ATXN8OS: variants seen among roughly 807,000 people sequenced by gnomAD.
ATXN8OS encodes ATXN8 opposite strand (non-protein coding).
At chr13:70,156,500 A>G (rs1009089245) in intron 4 of ATXN8OS, among the ~76,000 whole-genome samples, 1 of 152,178 alleles carries the variant, frequency 6.6e-6, no homozygotes, top group African/African-American at 2.4e-5. Flanking sequence ...TAATTTCTAC[A>G]TATAAAGAAA....
intron 1 of ATXN8OS, chr13:70,108,306 G>A: frequency 2.9e-6 from 1 of 344,286 alleles, no homozygotes; most frequent in East Asian, 4.5e-5. Flanking sequence ...CTGCCGGGTG[G>A]CTCTGAGAAA....
At chr13:70,160,948 G>A (rs192767414) in intron 4 of ATXN8OS, among the ~76,000 whole-genome samples, 9 of 150,484 alleles carry the variant, frequency 6.0e-5, no homozygotes, top group African/African-American at 1.2e-4. Flanking sequence ...CAGGTGGACC[G>A]ACACAATTTA....
At chr13:70,155,501 C>T (rs1002837679) in intron 4 of ATXN8OS, among the ~76,000 whole-genome samples, 1 of 152,142 alleles carries the variant, frequency 6.6e-6, no homozygotes, top group African/African-American at 2.4e-5. Context: ...ATTCCAGTGT[C>T]TCTCGAACTT....
chr13:70,157,648 G>A (rs929401864), intron 4 of ATXN8OS, among the ~76,000 whole-genome samples: 2 of 151,746 alleles, frequency 1.3e-5, no homozygotes, highest in South Asian at 2.1e-4. Flanking sequence ...CTTATTGAAC[G>A]CAGCTTAACA....
intron 1 of ATXN8OS, among the ~76,000 whole-genome samples, chr13:70,113,094 G>T (rs9564650): frequency 0.1 from 15,082 of 150,970 alleles, 825 homozygotes; most frequent in Middle Eastern, 0.19. Context: ...GCTAATTTTC[G>T]TATTTTTAGT....
intron 4 of ATXN8OS, among the ~76,000 whole-genome samples, chr13:70,161,465 A>G (rs1053638704): frequency 6.6e-6 from 1 of 150,806 alleles, no homozygotes; most frequent in Non-Finnish European, 1.5e-5. Context: ...GGCAATCTAT[A>G]TGATCCACAG....
At chr13:70,169,146 C>T (rs1459919213) in intron 4 of ATXN8OS, among the ~76,000 whole-genome samples, 1 of 151,946 alleles carries the variant, frequency 6.6e-6, no homozygotes, top group Admixed American at 6.6e-5. Context: ...CAGTAAATGG[C>T]TTGTTACATA....
At chr13:70,118,506 G>T (rs1888313019) in intron 2 of ATXN8OS, among the ~76,000 whole-genome samples, 1 of 151,742 alleles carries the variant, frequency 6.6e-6, no homozygotes, top group South Asian at 2.1e-4. Flanking sequence ...TCACATTTCT[G>T]GTTTTGAGTA....
At chr13:70,161,757 T>A (rs2479948) in intron 4 of ATXN8OS, among the ~76,000 whole-genome samples, 123,137 of 151,288 alleles carry the variant, frequency 0.81, 51,862 homozygotes, top group Non-Finnish European at 0.93. Flanking sequence ...TAAGTATTTG[T>A]TGAGTGAAAA....
chr13:70,161,932 G>C (rs2479949), intron 4 of ATXN8OS, among the ~76,000 whole-genome samples: 123,373 of 151,900 alleles, frequency 0.81, 51,899 homozygotes, highest in Non-Finnish European at 0.93. Context: ...TGGAAGACAA[G>C]GTAATACAGA....
At chr13:70,156,534 A>AT (rs1271639936) in intron 4 of ATXN8OS, among the ~76,000 whole-genome samples, 1 of 152,128 alleles carries the variant, frequency 6.6e-6, no homozygotes, top group East Asian at 1.9e-4. Flanking sequence ...GTATTTATAT[A>AT]TTTTCTGAGA....
chr13:70,160,565 C>T (rs988281011), intron 4 of ATXN8OS, among the ~76,000 whole-genome samples: 2 of 150,778 alleles, frequency 1.3e-5, no homozygotes, highest in African/African-American at 4.9e-5. Context: ...GTCATATTTT[C>T]AATATGGAAA....
intron 2 of ATXN8OS, among the ~76,000 whole-genome samples, chr13:70,128,149 C>T (rs183779536): frequency 3.8e-4 from 58 of 152,112 alleles, no homozygotes; most frequent in East Asian, 1.5e-3. Flanking sequence ...TTGTTTATTT[C>T]GCCTTACAAG....
intron 1 of ATXN8OS, among the ~76,000 whole-genome samples, chr13:70,110,349 A>C (rs934533020): frequency 6.6e-6 from 1 of 152,162 alleles, no homozygotes; most frequent in African/African-American, 2.4e-5. Context: ...TATTTAAATA[A>C]AATTCAACTT....
intron 4 of ATXN8OS, among the ~76,000 whole-genome samples, chr13:70,148,812 T>C (rs1309225958): frequency 6.6e-6 from 1 of 152,108 alleles, no homozygotes; most frequent in African/African-American, 2.4e-5. Flanking sequence ...ATATGTGATC[T>C]TTAAGGGCCA....
At chr13:70,139,374 ACTACTACTACTGCTGCTGCTGCTG>A (rs1888665733) in intron 3 of ATXN8OS, 3 of 648,810 alleles carry the variant, frequency 4.6e-6, no homozygotes, top group East Asian at 3.0e-5. Flanking sequence ...TACTACTACT[ACTACTACTACTGCTGCTGCTGCTG>A]CTGCTGCTGC....
chr13:70,129,223 C>A (rs1404928377), intron 2 of ATXN8OS, among the ~76,000 whole-genome samples: 4 of 152,022 alleles, frequency 2.6e-5, no homozygotes, highest in Non-Finnish European at 5.9e-5. Flanking sequence ...AAATTGTATA[C>A]AACAATAATA....
intron 4 of ATXN8OS, among the ~76,000 whole-genome samples, chr13:70,158,058 A>G (rs1012365109): frequency 1.6e-4 from 24 of 152,292 alleles, no homozygotes; most frequent in African/African-American, 5.8e-4. Flanking sequence ...CAGATTCTCT[A>G]AAGAGGAGAT....
At chr13:70,163,597 C>T (rs1889036377) in intron 4 of ATXN8OS, among the ~76,000 whole-genome samples, 1 of 151,936 alleles carries the variant, frequency 6.6e-6, no homozygotes. Context: ...ATGTAAAATG[C>T]TTGCTATTAT....
Sources: allele counts gnomAD v4.1 joint callset (sites outside exome capture counted in the v4.1 genomes callset), GRCh38; gene constraint gnomAD v4.1.1; transcripts MANE v1.5; gene names NCBI Gene and HGNC (gene_info 2026-07-23, HGNC 2026-07-21).